RABGAP1L: variants seen among roughly 807,000 people sequenced by gnomAD.
The protein encoded by RABGAP1L is RAB GTPase activating protein 1 like, also known as rab GTPase-activating protein 1-like.
Under a neutral mutation model 137.7 loss-of-function variants are expected in RABGAP1L, and 63 were observed. The observed-to-expected ratio is 0.46, with a 90% CI of 0.37 to 0.56. RABGAP1L has a LOEUF of 0.56. Among genes scored for constraint, RABGAP1L ranks in the 20% least tolerant of loss-of-function variants. The pLI, the probability that RABGAP1L is intolerant of heterozygous loss-of-function variation, is 0.00. For missense variants in RABGAP1L, 1,095 were observed against 1,244.0 expected, an observed-to-expected ratio of 0.88 and a Z score of 1.80; for synonymous variants, 431 against 433.7, an observed-to-expected ratio of 0.99 and a Z score of 0.08.
intron 12 of RABGAP1L, among the ~76,000 whole-genome samples, chr1:174,390,737 T>C (rs74128380): frequency 0.012 from 1,860 of 152,170 alleles, 49 homozygotes; most frequent in African/African-American, 0.043. Context: ...GGTGGTGGAT[T>C]AGTAATAGAT....
At chr1:174,272,363 C>T (rs1558088390) in intron 7 of RABGAP1L, 51 bp from the exon 8 acceptor site, 1 of 1,571,548 alleles carries the variant, frequency 6.4e-7, no homozygotes, top group Non-Finnish European at 8.6e-7. Context: ...CACTGGGCTT[C>T]TATATATTCT....
At chr1:174,471,046 A>AAC (rs941203532) in intron 13 of RABGAP1L, among the ~76,000 whole-genome samples, 3 of 151,044 alleles carry the variant, frequency 2.0e-5, no homozygotes, top group African/African-American at 7.4e-5. Flanking sequence ...GGAAAAAAAA[A>AAC]CACACTTTGA....
At chr1:174,445,664 CTT>C (rs1654662769) in intron 13 of RABGAP1L, among the ~76,000 whole-genome samples, 1 of 152,110 alleles carries the variant, frequency 6.6e-6, no homozygotes, top group Admixed American at 6.6e-5. Context: ...AGTCATATCA[CTT>C]TAGTTCATGA....
At chr1:174,854,715 C>CTTTTTTTTTTTTTTT (rs71117584) in intron 19 of RABGAP1L, among the ~76,000 whole-genome samples, 9 of 56,872 alleles carry the variant, frequency 1.6e-4, no homozygotes, top group African/African-American at 2.2e-4. Context: ...AATATAAATG[C>CTTTTTTTTTTTTTTT]TTTTTTTTTT....
chr1:174,780,519 G>C (rs771363871), intron 18 of RABGAP1L, among the ~76,000 whole-genome samples: 1 of 152,044 alleles, frequency 6.6e-6, no homozygotes, highest in Non-Finnish European at 1.5e-5. Flanking sequence ...AACTCACAGG[G>C]AATACTGTTG....
intron 19 of RABGAP1L, among the ~76,000 whole-genome samples, chr1:174,943,662 G>C (rs951979503): frequency 1.3e-4 from 20 of 151,384 alleles, no homozygotes; most frequent in African/African-American, 4.4e-4. Flanking sequence ...GGTGAAACCT[G>C]GTCTCTACTA....
rs188362404 is a variant in RABGAP1L, at chr1:174,357,476, A to G, written c.1466-13503A>G. On this transcript the variant is annotated intron_variant, in intron 11 of 25. Coordinates refer to ENST00000681986, the MANE Select transcript of RABGAP1L (RefSeq NM_001366446.1). Reference sequence around the variant, plus strand: ...ACTAGAAGCTACTATATAAAGACAAATAAGATATAGTCCCAGCACTCAAAG... The same window carrying G: ...ACTAGAAGCTACTATATAAAGACAAGTAAGATATAGTCCCAGCACTCAAAG... 7.9e-5 allele frequency among the ~76,000 whole-genome samples: 12 copies of G among 152,360 alleles called. No individual in the cohort carries two copies. The East Asian group carries it at 2.3e-3, about 29-fold the overall frequency.
chr1:174,872,433 T>C (rs1652353267), intron 19 of RABGAP1L, among the ~76,000 whole-genome samples: 1 of 152,186 alleles, frequency 6.6e-6, no homozygotes, highest in Non-Finnish European at 1.5e-5. Flanking sequence ...ATATTTTCTC[T>C]TTTGTTACCT....
At position 174,419,310 on chromosome 1, in the gene RABGAP1L, C is replaced by A. The variant is rs775755045; in HGVS notation, c.1710+25165C>A. On this transcript the variant is annotated intron_variant, in intron 13 of 25. Coordinates refer to ENST00000681986, the MANE Select transcript of RABGAP1L (RefSeq NM_001366446.1). ...TAGAGCTTGGGATTCTCATTTCGAA[C>A]AAGCTATCAGGCAATGTCAACACTA... Among the ~76,000 whole-genome samples, 4 of 152,168 alleles carry A rather than the reference C, an allele frequency of 2.6e-5. No individual in the cohort carries two copies. The East Asian group carries it at 7.7e-4, about 29-fold the overall frequency.
intron 19 of RABGAP1L, among the ~76,000 whole-genome samples, chr1:174,943,572 A>G (rs892689753): frequency 1.1e-4 from 16 of 152,204 alleles, no homozygotes; most frequent in Non-Finnish European, 1.9e-4. Context: ...GCGGTGGCTC[A>G]TGCCTGTAAT....
intron 18 of RABGAP1L, among the ~76,000 whole-genome samples, chr1:174,763,789 G>C (rs1393047403): frequency 7.3e-6 from 1 of 136,770 alleles, no homozygotes; most frequent in Non-Finnish European, 1.5e-5. Flanking sequence ...AGTGAGCCGA[G>C]ATCGTGCCAC....
At chr1:174,671,345 G>A (rs1677163105) in intron 14 of RABGAP1L, among the ~76,000 whole-genome samples, 2 of 152,052 alleles carry the variant, frequency 1.3e-5, no homozygotes, top group African/African-American at 2.4e-5. Context: ...AAATTTCTCT[G>A]GCTAAGACTT....
In RABGAP1L at chr1:174,605,065, T is replaced by C. The variant is rs1312571616; in HGVS notation, c.1711-32310T>C. Among the ~76,000 whole-genome samples the C allele has an allele frequency of 8.5e-5, 13 of 152,130 alleles. 1 individual carries two copies. The highest frequency in any genetic ancestry group is 8.5e-4 in the Admixed American group (13 of 15,270). ...CTGAGGCAGGAGAATTGTTTGAGCC[T>C]GGGAGGCAGAGGTTGCAGTGAGCTG... is the stretch of plus-strand genomic sequence containing the variant. On this transcript the variant is annotated intron_variant, in intron 13 of 25. Coordinates refer to ENST00000681986, the MANE Select transcript of RABGAP1L (RefSeq NM_001366446.1).
intron 13 of RABGAP1L, among the ~76,000 whole-genome samples, chr1:174,501,430 C>G (rs1661270236): frequency 6.6e-6 from 1 of 152,056 alleles, no homozygotes; most frequent in African/African-American, 2.4e-5. Flanking sequence ...CTAAAGTGAT[C>G]CATGTGCCTC....
chr1:174,701,297 T>C (rs1679628609), intron 16 of RABGAP1L, among the ~76,000 whole-genome samples: 1 of 152,222 alleles, frequency 6.6e-6, no homozygotes, highest in Admixed American at 6.5e-5. Context: ...ATTTCTTTGC[T>C]TTGCCATTTT....
At chr1:174,713,911 A>G (rs1680787915) in intron 17 of RABGAP1L, among the ~76,000 whole-genome samples, 2 of 151,984 alleles carry the variant, frequency 1.3e-5, no homozygotes, top group South Asian at 4.1e-4. Context: ...TTTTTTTCCC[A>G]TTATTCTCCA....
At chr1:174,864,936 G>C (rs1389784325) in intron 19 of RABGAP1L, among the ~76,000 whole-genome samples, 3 of 152,082 alleles carry the variant, frequency 2.0e-5, no homozygotes, top group Admixed American at 2.0e-4. Flanking sequence ...GGACAACATT[G>C]CCAAACCCTG....
intron 21 of RABGAP1L, among the ~76,000 whole-genome samples, chr1:174,973,751 GA>G (rs201838060): frequency 1.4e-5 from 2 of 147,974 alleles, no homozygotes; most frequent in African/African-American, 2.5e-5. Context: ...AGACCAAACT[GA>G]AAAAAAAACA....
intron 1 of RABGAP1L, among the ~76,000 whole-genome samples, chr1:174,217,258 A>C (rs888005278): frequency 6.6e-6 from 1 of 152,200 alleles, no homozygotes; most frequent in Non-Finnish European, 1.5e-5. Context: ...CATTTTGGTC[A>C]TGTTTCATTT....
Sources: allele counts gnomAD v4.1 joint callset (sites outside exome capture counted in the v4.1 genomes callset), GRCh38; gene constraint gnomAD v4.1.1; transcripts MANE v1.5; gene names NCBI Gene and HGNC (gene_info 2026-07-23, HGNC 2026-07-21).